The following OTUD3 variants were observed in gnomAD, a reference collection of about 807,000 sequenced individuals.
OTUD3 encodes OTU deubiquitinase 3.
Under a neutral mutation model 46.2 loss-of-function variants are expected in OTUD3, and 24 were observed. The ratio of observed to expected loss-of-function variants is 0.52; its 90% CI spans 0.38 to 0.73. OTUD3 has a LOEUF of 0.73. Ranked by LOEUF, OTUD3 falls within the 30% of genes least tolerant of loss-of-function variation. The pLI is 0.00. For missense variants in OTUD3, 455 were observed against 523.3 expected (o/e 0.87, Z 1.27); for synonymous variants, 189 against 195.4 (o/e 0.97, Z 0.27).
intron 1 of OTUD3, among the ~76,000 whole-genome samples, chr1:19,889,785 G>A (rs1382577543): frequency 6.6e-6 from 1 of 152,214 alleles, no homozygotes; most frequent in East Asian, 1.9e-4. Flanking sequence ...AGGAGGAAGT[G>A]TCTTTCCATA....
chr1:19,908,479 G>A lies in OTUD3; in HGVS notation c.*733G>A, dbSNP rs1207754818. 1 of 152,352 alleles carries A rather than the reference G, an allele frequency of 6.6e-6. No individual in the cohort carries two copies. The highest frequency in any genetic ancestry group is 1.9e-4 in the East Asian group (1 of 5,326). 9.4% of individuals were successfully genotyped at this position (152,352 alleles called of 1,614,324 possible). A position where few individuals can be genotyped will look rare whatever the true frequency, so the allele number is the denominator to read the frequency against. On this transcript the variant is annotated 3_prime_UTR_variant, in exon 8 of 8. Transcript: ENST00000375120. The stretch of plus-strand genomic sequence containing the variant: ...TGTTGGGAAGTTGATAGTGGTGTTG[G>A]GTTTTTGGTATTTGTTTCCTGACAG...
intron 1 of OTUD3, among the ~76,000 whole-genome samples, chr1:19,889,934 G>T (rs1440289995): frequency 2.0e-5 from 3 of 152,220 alleles, no homozygotes; most frequent in Non-Finnish European, 4.4e-5. Flanking sequence ...TTTGTTAAAT[G>T]AATGATTACT....
At chr1:19,887,041 A>G (rs1290198355) in intron 1 of OTUD3, among the ~76,000 whole-genome samples, 1 of 152,228 alleles carries the variant, frequency 6.6e-6, no homozygotes, top group East Asian at 1.9e-4. Flanking sequence ...ATACAATTCA[A>G]TATAAAAATT....
intron 4 of OTUD3, among the ~76,000 whole-genome samples, chr1:19,899,675 C>T (rs908537639): frequency 1.3e-5 from 2 of 152,186 alleles, no homozygotes; most frequent in African/African-American, 2.4e-5. Flanking sequence ...TGTCAAATTA[C>T]GTTCTAACAA....
Position 19,906,505 on chromosome 1 carries a change from T to A in OTUD3, c.909T>A (p.Ser303Arg). The change falls in exon 7 of 8, where the codon AGT becomes AGA. Residue 303 changes from serine (S) to arginine (R), a missense_variant. By Grantham distance (110) the Ser-to-Arg change is moderately radical (BLOSUM62 -1). Transcript: ENST00000375120. The stretch of plus-strand genomic sequence containing the variant: ...GCCCTTTGTGGGAGGAGGGTGGCAG[T>A]GGTGCCAGAATCTTTGGAAATCAGG... ...QCGPLWEEGG[S>R]GARIFGNQGL... The A allele has an allele frequency of 6.2e-7, 1 of 1,614,032 alleles. No homozygotes were observed. Among genetic ancestry groups the A allele is most frequent in the Non-Finnish European group, 8.5e-7 (1 of 1,179,986 alleles).
At chr1:19,902,714 A>G (rs1480145405) in intron 4 of OTUD3, among the ~76,000 whole-genome samples, 1 of 151,998 alleles carries the variant, frequency 6.6e-6, no homozygotes, top group African/African-American at 2.4e-5. Flanking sequence ...ATTTGCTGTA[A>G]TTTTTTTGGT....
intron 4 of OTUD3, among the ~76,000 whole-genome samples, chr1:19,903,117 G>A (rs573502926): frequency 1.4e-5 from 2 of 144,034 alleles, no homozygotes; most frequent in South Asian, 2.2e-4. Context: ...GTGTGATCTC[G>A]GCTCACTGCA....
At chr1:19,883,303 C>G (rs1281351451) in intron 1 of OTUD3, among the ~76,000 whole-genome samples, 2 of 152,164 alleles carry the variant, frequency 1.3e-5, no homozygotes, top group Non-Finnish European at 2.9e-5. Flanking sequence ...AGGTGCTTCC[C>G]CAAGCTTTCT....
At chr1:19,900,873 A>G (rs531861796) in intron 4 of OTUD3, among the ~76,000 whole-genome samples, 10 of 149,256 alleles carry the variant, frequency 6.7e-5, no homozygotes, top group South Asian at 2.1e-4. Flanking sequence ...GTTAGAATCA[A>G]TGTGTCTAGT....
chr1:19,907,507 T>C, intron 7 of OTUD3, 63 bp from the exon 8 acceptor site: 1 of 1,516,980 alleles, frequency 6.6e-7, no homozygotes, highest in Non-Finnish European at 9.1e-7. Flanking sequence ...CCATCTCCCT[T>C]CTAGCAGGTG....
intron 4 of OTUD3, 25 bp from the exon 5 acceptor site, chr1:19,904,242 C>T (rs1218120345): frequency 1.3e-6 from 2 of 1,560,064 alleles, no homozygotes; most frequent in Admixed American, 1.9e-5. Flanking sequence ...AACATAGTTC[C>T]CTGATTATTA....
At chr1:19,896,930 T>C (rs1443863540) in intron 3 of OTUD3, among the ~76,000 whole-genome samples, 1 of 152,158 alleles carries the variant, frequency 6.6e-6, no homozygotes, top group Non-Finnish European at 1.5e-5. Flanking sequence ...GTAATTTTGT[T>C]TTGAAGCTGA....
At chr1:19,884,262 CTG>C (rs2045323996) in intron 1 of OTUD3, among the ~76,000 whole-genome samples, 1 of 152,116 alleles carries the variant, frequency 6.6e-6, no homozygotes, top group Non-Finnish European at 1.5e-5. Flanking sequence ...GCCCAGGAAA[CTG>C]AAGTACTCAA....
chr1:19,897,649 A>C lies in OTUD3; in HGVS notation c.593A>C (p.His198Pro). 1 of 1,613,390 alleles carries C rather than the reference A, an allele frequency of 6.2e-7. No individual in the cohort carries two copies. The highest frequency in any genetic ancestry group is 8.5e-7 in the Non-Finnish European group (1 of 1,179,694). The change falls in exon 4 of 8, where the codon CAT (histidine) becomes CCT (proline). Residue 198 changes from histidine (H) to proline (P), a missense_variant. Transcript: ENST00000375120. ...AATGACAACTCAGAGGCACCTGCAC[A>C]TCTCCAGACGGATGTGAGTGAGGCC... ...RINDNSEAPA[H>P]LQTDFQMLHQ... is the part of the protein sequence containing the mutation.
At chr1:19,898,880 G>A (rs1392070720) in intron 4 of OTUD3, among the ~76,000 whole-genome samples, 2 of 152,066 alleles carry the variant, frequency 1.3e-5, no homozygotes, top group South Asian at 2.1e-4. Context: ...GCACCATCAC[G>A]GCTCACAGCA....
Position 19,907,622 on chromosome 1 carries a change from A to G in OTUD3, c.1073A>G (p.Gln358Arg). The part of the protein sequence containing the change: ...EQQWMEKKKR[Q>R]EERHRHKALE... Reference sequence around the variant, plus strand: ...CAGTGGATGGAGAAGAAGAAGCGGCAGGAGGAGAGGCACCGCCACAAAGCC... The same window carrying G: ...CAGTGGATGGAGAAGAAGAAGCGGCGGGAGGAGAGGCACCGCCACAAAGCC... Residue 358 changes from glutamine (Q) to arginine (R), a missense_variant, in exon 8 of 8, where the codon CAG (glutamine) becomes CGG (arginine). Gln to Arg is a conservative substitution (Grantham distance 43). Transcript: ENST00000375120. The G allele has an allele frequency of 6.2e-7, 1 of 1,614,180 alleles. No individual in the cohort carries two copies. Among genetic ancestry groups the G allele is most frequent in the Non-Finnish European group, 8.5e-7 (1 of 1,180,028 alleles).
At position 19,882,741 on chromosome 1, in the gene OTUD3, CG is replaced by C; in HGVS notation, c.221+10del. The C allele has an allele frequency of 3.7e-6, 5 of 1,335,046 alleles. No homozygotes were observed. In the East Asian group the frequency reaches 1.3e-4, roughly 33 times the overall value. 82.7% of individuals were successfully genotyped at this position (1,335,046 alleles called of 1,614,324 possible). Reference sequence around the variant, plus strand: ...GGGAGGTGCCGGGGGACGGGTGAGGCGGGCCGGGAGCGAGGGAGGCGGCGCC... The same window carrying C: ...GGGAGGTGCCGGGGGACGGGTGAGGCGGCCGGGAGCGAGGGAGGCGGCGCC... On this transcript the variant is annotated splice_region_variant and intron_variant, in intron 1 of 7. Transcript: ENST00000375120.
At chr1:19,902,792 C>T (rs376350001) in intron 4 of OTUD3, among the ~76,000 whole-genome samples, 1 of 151,584 alleles carries the variant, frequency 6.6e-6, no homozygotes, top group South Asian at 2.1e-4. Flanking sequence ...AGACAGATTA[C>T]TTTTTTCTTT....
chr1:19,887,163 G>C (rs182941446), intron 1 of OTUD3, among the ~76,000 whole-genome samples: 2,479 of 150,874 alleles, frequency 0.016, 70 homozygotes, highest in African/African-American at 0.056. Context: ...TGGCTCACTG[G>C]AACCTCTGCC....
Sources: allele counts gnomAD v4.1 joint callset (sites outside exome capture counted in the v4.1 genomes callset), GRCh38; gene constraint gnomAD v4.1.1; transcripts MANE v1.5; gene names NCBI Gene and HGNC (gene_info 2026-07-23, HGNC 2026-07-21).